The following DLC1 variants were observed in gnomAD, a reference collection of about 807,000 sequenced individuals.
The protein encoded by DLC1 is rho GTPase-activating protein 7.
DLC1 carries 54 observed loss-of-function variants against 140.3 expected under a neutral mutation model. The observed-to-expected ratio is 0.38, with a 90% CI of 0.31 to 0.48. DLC1 has a LOEUF of 0.48. DLC1 is among the 20% of genes least tolerant of loss of function. The pLI is 0.96. For synonymous variants in DLC1, 986 were observed against 728.1 expected (o/e 1.35, Z -5.70); for missense variants, 2,536 against 1,907.0 (o/e 1.33, Z -6.14).
chr8:13,577,091 A>G (rs1055345861), intron 1 of DLC1, among the ~76,000 whole-genome samples: 5 of 152,166 alleles, frequency 3.3e-5, no homozygotes, highest in Admixed American at 3.3e-4. Context: ...GTAATCCACC[A>G]TGGGGCACCA....
intron 4 of DLC1, among the ~76,000 whole-genome samples, chr8:13,324,524 G>T (rs755516628): frequency 7.0e-5 from 9 of 128,856 alleles, no homozygotes; most frequent in African/African-American, 2.7e-4. Flanking sequence ...CCCAGATCGC[G>T]CCACTGCACA....
intron 4 of DLC1, among the ~76,000 whole-genome samples, chr8:13,348,753 G>T (rs1219271456): frequency 3.3e-5 from 5 of 152,110 alleles, no homozygotes; most frequent in African/African-American, 1.2e-4. Flanking sequence ...GGAAGCGAAG[G>T]TAACAGGAAG....
At chr8:13,268,859 C>T (rs964535626) in intron 5 of DLC1, among the ~76,000 whole-genome samples, 1 of 148,814 alleles carries the variant, frequency 6.7e-6, no homozygotes, top group Admixed American at 6.7e-5. Context: ...CCCCTCCCAT[C>T]TGTGCTTCCT....
chr8:13,529,075 A>G (rs1219671389), intron 1 of DLC1, among the ~76,000 whole-genome samples: 2 of 152,242 alleles, frequency 1.3e-5, no homozygotes, highest in African/African-American at 4.8e-5. Flanking sequence ...AAGAAGATAG[A>G]AACCAAAAAA....
At chr8:13,483,726 C>G (rs1800843154) in intron 2 of DLC1, among the ~76,000 whole-genome samples, 1 of 152,050 alleles carries the variant, frequency 6.6e-6, no homozygotes, top group Non-Finnish European at 1.5e-5. Flanking sequence ...CCTTGAAAAC[C>G]ATGTCTTCCA....
intron 1 of DLC1, among the ~76,000 whole-genome samples, chr8:13,574,309 A>T (rs2117422354): frequency 6.6e-6 from 1 of 152,318 alleles, no homozygotes; most frequent in East Asian, 1.9e-4. Context: ...TTCAAGTAGA[A>T]AGTTATCTAT....
chr8:13,429,396 C>A (rs142267211), intron 2 of DLC1, among the ~76,000 whole-genome samples: 8 of 152,090 alleles, frequency 5.3e-5, no homozygotes, highest in Non-Finnish European at 5.9e-5. Flanking sequence ...TATCCCCATA[C>A]GGTCTGATTT....
At chr8:13,409,760 T>C (rs1325575355) in intron 2 of DLC1, among the ~76,000 whole-genome samples, 1 of 152,206 alleles carries the variant, frequency 6.6e-6, no homozygotes, top group Non-Finnish European at 1.5e-5. Context: ...TGTCTCTTTA[T>C]GTTTAATTTT....
intron 5 of DLC1, among the ~76,000 whole-genome samples, chr8:13,284,386 G>A (rs981429177): frequency 1.3e-5 from 2 of 152,038 alleles, no homozygotes; most frequent in East Asian, 3.9e-4. Context: ...AATTAGCTGG[G>A]CGTGGTGGCG....
At chr8:13,111,944 G>A (rs985510098) in intron 6 of DLC1, among the ~76,000 whole-genome samples, 3 of 152,074 alleles carry the variant, frequency 2.0e-5, no homozygotes, top group Admixed American at 6.5e-5. Context: ...TCAGGAGTTT[G>A]AGACCAGCCT....
intron 2 of DLC1, among the ~76,000 whole-genome samples, chr8:13,437,339 TG>T (rs2116901862): frequency 6.6e-6 from 1 of 152,348 alleles, no homozygotes; most frequent in Admixed American, 6.5e-5. Flanking sequence ...TTCTTTTAGA[TG>T]TATGTTGATT....
At chr8:13,152,766 A>G (rs1442535) in intron 5 of DLC1, among the ~76,000 whole-genome samples, 49,508 of 139,036 alleles carry the variant, frequency 0.36, 9,527 homozygotes, top group East Asian at 0.57. Context: ...GAAGCAAACC[A>G]TGATCTTGCC....
intron 10 of DLC1, 136 bp from the exon 11 acceptor site, chr8:13,095,381 C>T: frequency 9.0e-7 from 1 of 1,110,710 alleles, no homozygotes; most frequent in Non-Finnish European, 1.3e-6. Flanking sequence ...TTAAATTAAA[C>T]AAAATGACAA....
intron 2 of DLC1, among the ~76,000 whole-genome samples, chr8:13,412,931 C>CAAAAAA (rs771025112): frequency 1.1e-5 from 1 of 93,972 alleles, no homozygotes. Flanking sequence ...GACTCCATCT[C>CAAAAAA]AAAAAAAAAA....
chr8:13,534,592 C>T (rs1481601), intron 1 of DLC1, among the ~76,000 whole-genome samples: 3,598 of 152,192 alleles, frequency 0.024, 128 homozygotes, highest in African/African-American at 0.08. Flanking sequence ...GCTCTGCAGA[C>T]CCTAAGTGGA....
At chr8:13,427,192 C>A (rs1428598689) in intron 2 of DLC1, among the ~76,000 whole-genome samples, 1 of 152,176 alleles carries the variant, frequency 6.6e-6, no homozygotes, top group East Asian at 1.9e-4. Context: ...CGGTTAATGC[C>A]CCAGCTTTGC....
chr8:13,144,689 A>G (rs1054036859), intron 5 of DLC1, among the ~76,000 whole-genome samples: 3 of 152,178 alleles, frequency 2.0e-5, no homozygotes, highest in Non-Finnish European at 2.9e-5. Flanking sequence ...GGTGTGAACC[A>G]GAGAGGCAGA....
chr8:13,375,896 A>T (rs916165184), intron 4 of DLC1, among the ~76,000 whole-genome samples: 1 of 152,186 alleles, frequency 6.6e-6, no homozygotes, highest in Non-Finnish European at 1.5e-5. Flanking sequence ...AAAAATGTAT[A>T]TCTCTCTATA....
chr8:13,220,363 C>G (rs1828482321), intron 5 of DLC1, among the ~76,000 whole-genome samples: 1 of 152,080 alleles, frequency 6.6e-6, no homozygotes, highest in South Asian at 2.1e-4. Context: ...AAGATAGAAA[C>G]TTGAGCAGCC....
Sources: gnomAD v4.1 joint callset for allele counts (sites outside exome capture counted in the v4.1 genomes callset) on GRCh38, gnomAD v4.1.1 for gene constraint, MANE v1.5 for transcripts, NCBI Gene and HGNC (gene_info 2026-07-23, HGNC 2026-07-21) for gene names.